FOXJ3: variants seen among roughly 807,000 people sequenced by gnomAD.
The protein encoded by FOXJ3 is forkhead box protein J3.
In FOXJ3, 22 loss-of-function variants were observed where a neutral mutation model predicts 76.1. That is an observed-to-expected ratio of 0.29 (90% CI 0.21 to 0.41). The LOEUF (loss-of-function observed/expected upper bound fraction) is 0.41, where lower values mean the gene tolerates loss of function less well. Ranked by LOEUF, FOXJ3 falls within the 10% of genes least tolerant of loss-of-function variation. The pLI, the probability that FOXJ3 is intolerant of heterozygous loss-of-function variation, is 1.00. For missense variants in FOXJ3, 613 were observed against 762.1 expected, an observed-to-expected ratio of 0.80 and a Z score of 2.30; for synonymous variants, 269 against 261.2, an observed-to-expected ratio of 1.03 and a Z score of -0.29.
intron 2 of FOXJ3, among the ~76,000 whole-genome samples, chr1:42,284,808 T>C (rs1443530767): frequency 6.6e-6 from 1 of 152,224 alleles, no homozygotes; most frequent in Admixed American, 6.5e-5. Flanking sequence ...GACTGAAATT[T>C]AGCATTTCCT....
rs894284639 is a variant in FOXJ3 at position 42,333,870 on chromosome 1, G to T, written c.-18+1189C>A. ...CTAGTGCTGCCTTGTGAGAAAAAGA[G>T]CTATGCATATAACGCTCCTATGACA... On this transcript the variant is annotated intron_variant, in intron 1 of 12. Coordinates refer to ENST00000361346, the MANE Select transcript of FOXJ3 (RefSeq NM_014947.5). Among the ~76,000 whole-genome samples the T allele has an allele frequency of 4.6e-5, 7 of 152,196 alleles. No homozygotes were observed. The South Asian group carries it at 1.4e-3, about 32-fold the overall frequency.
Position 42,294,461 on chromosome 1 carries a change from G to C in FOXJ3, c.45-15789C>G, listed in dbSNP as rs575857153. On this transcript the variant is annotated intron_variant, in intron 2 of 12. Coordinates refer to ENST00000361346, the MANE Select transcript of FOXJ3 (RefSeq NM_014947.5). The stretch of plus-strand genomic sequence containing the variant: ...AGTTTGGGCTGCTCTCCTGAATAAA[G>C]AAGCCATGAACTTGAGGCCAGGCGC... Among the ~76,000 whole-genome samples the C allele has an allele frequency of 4.6e-5, 7 of 152,196 alleles. No individual in the cohort carries two copies. The East Asian group carries it at 1.4e-3, about 29-fold the overall frequency.
intron 5 of FOXJ3, among the ~76,000 whole-genome samples, chr1:42,221,321 T>TAA (rs1370944620): frequency 6.6e-6 from 1 of 152,112 alleles, no homozygotes; most frequent in Non-Finnish European, 1.5e-5. Context: ...AAGCAAAGAA[T>TAA]AACATTAGAA....
chr1:42,313,535 G>A (rs574501408), intron 1 of FOXJ3, among the ~76,000 whole-genome samples: 9 of 152,038 alleles, frequency 5.9e-5, no homozygotes, highest in Non-Finnish European at 1.3e-4. Context: ...AAACCCAGAA[G>A]GAAATCAGCC....
rs181665561 is a variant in FOXJ3 at position 42,255,965 on chromosome 1, T to C, written c.444+9150A>G. ...TGAACCTGGGAGGTGGAGGCCGCAG[T>C]GAGCCGAGATCGCATCACTGCATTC... On this transcript the variant is annotated intron_variant, in intron 4 of 12. Coordinates refer to ENST00000361346, the MANE Select transcript of FOXJ3 (RefSeq NM_014947.5). Among the ~76,000 whole-genome samples the C allele has an allele frequency of 4.6e-3, 704 of 152,318 alleles. 4 individuals are homozygous for C. Among genetic ancestry groups the C allele is most frequent in the African/African-American group, 0.016 (678 of 41,576 alleles).
Position 42,179,420 on chromosome 1 carries a change from C to T in FOXJ3, c.*290G>A, listed in dbSNP as rs2124082850. 1 of 206,544 alleles carries T rather than the reference C, an allele frequency of 4.8e-6. No individual in the cohort carries two copies. The highest frequency in any genetic ancestry group is 1.2e-4 in the East Asian group (1 of 8,674). 12.8% of individuals were successfully genotyped at this position (206,544 alleles called of 1,614,324 possible). A position where few individuals can be genotyped will look rare whatever the true frequency, so the allele number is the denominator to read the frequency against. The stretch of plus-strand genomic sequence containing the variant: ...CTCCGTCTGAAAAATCAGTCTGGCA[C>T]TTGTGGTTAACATCAAACTGACACA... On this transcript the variant is annotated 3_prime_UTR_variant, in exon 13 of 13. Coordinates refer to ENST00000361346, the MANE Select transcript of FOXJ3 (RefSeq NM_014947.5).
chr1:42,227,516 G>A (rs1469545022), intron 5 of FOXJ3, among the ~76,000 whole-genome samples: 3 of 152,172 alleles, frequency 2.0e-5, no homozygotes, highest in African/African-American at 7.2e-5. Flanking sequence ...TGAGGACAAT[G>A]GGGAAAATTC....
intron 2 of FOXJ3, among the ~76,000 whole-genome samples, chr1:42,295,894 T>C (rs185241077): frequency 3.9e-4 from 59 of 152,310 alleles, no homozygotes; most frequent in Non-Finnish European, 7.3e-4. Context: ...GTTTACTGGA[T>C]CAAAAGGTAG....
chr1:42,324,373 C>T (rs146705478), intron 1 of FOXJ3, among the ~76,000 whole-genome samples: 8 of 142,078 alleles, frequency 5.6e-5, no homozygotes, highest in African/African-American at 2.2e-4. Context: ...ACTATATATA[C>T]TATATATAAC....
chr1:42,229,648 G>T (rs1480775998), intron 4 of FOXJ3, among the ~76,000 whole-genome samples: 2 of 152,142 alleles, frequency 1.3e-5, no homozygotes, highest in Non-Finnish European at 2.9e-5. Flanking sequence ...ACCAGATGTG[G>T]TAAGAACCTG....
intron 8 of FOXJ3, among the ~76,000 whole-genome samples, chr1:42,194,425 C>G (rs1307549761): frequency 6.6e-6 from 1 of 152,180 alleles, no homozygotes; most frequent in African/African-American, 2.4e-5. Flanking sequence ...TTACTAGTAG[C>G]TGATGTATTC....
intron 1 of FOXJ3, chr1:42,315,329 C>G (rs2124765398): frequency 1.6e-6 from 1 of 629,304 alleles, no homozygotes; most frequent in South Asian, 7.2e-5. Flanking sequence ...GTGAACTTCA[C>G]AGTATGTGAT....
At chr1:42,304,202 G>A (rs1317152389) in intron 2 of FOXJ3, among the ~76,000 whole-genome samples, 2 of 151,980 alleles carry the variant, frequency 1.3e-5, no homozygotes, top group African/African-American at 4.8e-5. Flanking sequence ...CCAAAGAAGT[G>A]AAAGACCTCC....
At position 42,218,666 on chromosome 1, in the gene FOXJ3, C is replaced by T. The variant is rs372042549; in HGVS notation, c.528+9217G>A. On this transcript the variant is annotated intron_variant, in intron 5 of 12. Coordinates refer to ENST00000361346, the MANE Select transcript of FOXJ3 (RefSeq NM_014947.5). ...ATATTCTACACAACAGCTAGAGTGA[C>T]CGTGTTAAAATTTAAGTCACATCAT... Among the ~76,000 whole-genome samples, 492 of 152,306 alleles carry T rather than the reference C, an allele frequency of 3.2e-3. 4 individuals are homozygous for T. The highest frequency in any genetic ancestry group is 0.011 in the African/African-American group (466 of 41,550).
At chr1:42,292,864 G>C (rs1297870124) in intron 2 of FOXJ3, among the ~76,000 whole-genome samples, 4 of 152,210 alleles carry the variant, frequency 2.6e-5, no homozygotes, top group African/African-American at 9.6e-5. Context: ...ACTTTGGGAG[G>C]CTAAGGTGGG....
intron 5 of FOXJ3, among the ~76,000 whole-genome samples, chr1:42,221,781 T>C (rs1647191200): frequency 6.6e-6 from 1 of 150,490 alleles, no homozygotes; most frequent in Admixed American, 6.6e-5. Context: ...AATAGTTTAA[T>C]TGCTTGCAAG....
chr1:42,278,297 T>C, intron 3 of FOXJ3, 51 bp downstream of exon 3: 1 of 1,232,564 alleles, frequency 8.1e-7, no homozygotes, highest in South Asian at 1.4e-5. Context: ...TCAGTAGAAA[T>C]CAACATCATT....
rs538161942 is a variant in FOXJ3, at chr1:42,199,009, C to A, written c.759+93G>T. ...TAAATTTATTAGTGAGAAAAACATA[C>A]CTTCATTTTTAAATTTGCATTTCAA... On this transcript the variant is annotated intron_variant, in intron 7 of 12. Transcript: ENST00000361346. 4.3e-5 allele frequency: 43 copies of A among 997,380 alleles called. 2 individuals carry two copies. In the South Asian group the frequency reaches 6.4e-4, roughly 15 times the overall value. The allele number at this position is 997,380 out of a possible 1,614,324, so 61.8% of individuals were successfully genotyped here. A position where few individuals can be genotyped will look rare whatever the true frequency, so the allele number is the denominator to read the frequency against.
At chr1:42,264,796 C>T in intron 4 of FOXJ3, 1 of 247,542 alleles carries the variant, frequency 4.0e-6, no homozygotes, top group Non-Finnish European at 7.7e-6. Context: ...TTGCCAGTTA[C>T]ACAGAGATGC....
Sources: gnomAD v4.1 joint callset for allele counts (sites outside exome capture counted in the v4.1 genomes callset) on GRCh38, gnomAD v4.1.1 for gene constraint, MANE v1.5 for transcripts, NCBI Gene and HGNC (gene_info 2026-07-23, HGNC 2026-07-21) for gene names.